UNKL: variants seen among roughly 807,000 people sequenced by gnomAD.
UNKL encodes unk like zinc finger.
Under a neutral mutation model 78.0 loss-of-function variants are expected in UNKL, and 60 were observed. That is an observed-to-expected ratio of 0.77 (90% CI 0.63 to 0.95). UNKL has a LOEUF of 0.95. Among genes scored for constraint, UNKL ranks in the 40% least tolerant of loss-of-function variants. UNKL has a pLI of 0.00. For synonymous variants in UNKL, 608 were observed against 474.8 expected, an observed-to-expected ratio of 1.28 and a Z score of -3.65; for missense variants, 1,159 against 1,045.7, an observed-to-expected ratio of 1.11 and a Z score of -1.49.
At chr16:1,371,031 G>C (rs891757806) in intron 11 of UNKL, among the ~76,000 whole-genome samples, 11 of 150,300 alleles carry the variant, frequency 7.3e-5, no homozygotes, top group Non-Finnish European at 1.6e-4. Context: ...TGCAGTGAGC[G>C]GAGATCGCGC....
chr16:1,369,170 A>T (rs941544291), intron 12 of UNKL, among the ~76,000 whole-genome samples: 17 of 144,576 alleles, frequency 1.2e-4, no homozygotes, highest in African/African-American at 4.4e-4. Context: ...CCCGGGTTCA[A>T]GCGATTCTCC....
chr16:1,411,069 C>T (rs1044043308), intron 2 of UNKL, among the ~76,000 whole-genome samples: 7 of 152,002 alleles, frequency 4.6e-5, no homozygotes, highest in South Asian at 2.1e-4. Context: ...AAAAATGAGC[C>T]GAGGTGTGTG....
intron 10 of UNKL, among the ~76,000 whole-genome samples, chr16:1,384,194 T>C (rs980716083): frequency 1.2e-4 from 18 of 152,046 alleles, no homozygotes; most frequent in African/African-American, 4.1e-4. Context: ...TGCACGGGTG[T>C]GGCCAGGTGT....
intron 5 of UNKL, chr16:1,398,776 G>C: frequency 6.5e-7 from 1 of 1,537,108 alleles, no homozygotes; most frequent in Non-Finnish European, 8.7e-7. Flanking sequence ...AGGAGAAAGG[G>C]GCTTCAGAGG....
intron 2 of UNKL, among the ~76,000 whole-genome samples, chr16:1,410,267 G>GAA (rs57597459): frequency 2.0e-5 from 2 of 101,444 alleles, no homozygotes; most frequent in Non-Finnish European, 4.1e-5. Flanking sequence ...CCCTGTCTCA[G>GAA]AAAAAAAAAA....
At chr16:1,393,972 A>C (rs1295865170) in intron 7 of UNKL, among the ~76,000 whole-genome samples, 159 bp downstream of exon 7, 28 of 152,204 alleles carry the variant, frequency 1.8e-4, no homozygotes, top group Admixed American at 1.8e-3. Context: ...GGGAGCCTCC[A>C]CGGGCATGTC....
chr16:1,387,238 C>T lies in UNKL; in HGVS notation c.1087-1853G>A, dbSNP rs2036853464. 1.3e-5 allele frequency among the ~76,000 whole-genome samples: 2 copies of T among 152,194 alleles called. No homozygotes were observed. The highest frequency in any genetic ancestry group is 2.9e-5 in the Non-Finnish European group (2 of 68,024). ...CATGCAACACCGGGGACACTCCCAG[C>T]CATGCATGGTGCTGCCAATACCCCC... is the stretch of plus-strand genomic sequence containing the variant. On this transcript the variant is annotated intron_variant, in intron 9 of 14. Transcript: ENST00000389221. This position sits in a 1 kb window ranked among gnomAD's most constrained non-coding sequence, Gnocchi z 4.1.
chr16:1,399,290 A>C lies in UNKL; in HGVS notation c.734+84T>G. ...GCCACAAGGGCAGCCCTCCCATTAG[A>C]ACCCCGGGGTGGGCAACGCGAGCCA... On this transcript the variant is annotated intron_variant, in intron 5 of 14. Coordinates refer to ENST00000389221, the MANE Select transcript of UNKL (RefSeq NM_001372107.1). The surrounding 1 kb of genome is among the most constrained non-coding windows in gnomAD (Gnocchi z 5.8). 7.0e-7 allele frequency: 1 copy of C among 1,438,448 alleles called. No homozygotes were observed. The highest frequency in any genetic ancestry group is 9.1e-7 in the Non-Finnish European group (1 of 1,097,368). The allele number at this position is 1,438,448 out of a possible 1,614,324, so 89.1% of individuals were successfully genotyped here. A position where few individuals can be genotyped will look rare whatever the true frequency, so the allele number is the denominator to read the frequency against.
At position 1,395,322 on chromosome 16, in the gene UNKL, C is replaced by G. The variant is rs113815169; in HGVS notation, c.853-1107G>C. ...AGCTGTGACTACAGCCATGAGCCAC[C>G]AAACCTGGCTAATTTTTGTATTTTT... On this transcript the variant is annotated intron_variant, in intron 6 of 14. Transcript: ENST00000389221. Among the ~76,000 whole-genome samples the G allele has an allele frequency of 1.7e-3, 256 of 152,050 alleles. 2 individuals are homozygous for G. The highest frequency in any genetic ancestry group is 5.3e-3 in the African/African-American group (221 of 41,456).
At chr16:1,408,406 A>C (rs60126074) in intron 2 of UNKL, 7,805 of 153,278 alleles carry the variant, frequency 0.051, 653 homozygotes, top group African/African-American at 0.18. Context: ...GGCCGAGATC[A>C]CGCTGATGCC....
intron 6 of UNKL, 21 bp from the exon 7 acceptor site, chr16:1,394,236 A>G: frequency 6.5e-7 from 1 of 1,549,986 alleles, no homozygotes; most frequent in Non-Finnish European, 8.7e-7. Flanking sequence ...AAGTGAAATA[A>G]AGAGGTTGGA....
chr16:1,381,612 A>G (rs2036609861), intron 10 of UNKL, among the ~76,000 whole-genome samples: 1 of 152,194 alleles, frequency 6.6e-6, no homozygotes, highest in African/African-American at 2.4e-5. Flanking sequence ...AGAGCAAGAA[A>G]AAAAAAGAAC....
At chr16:1,414,202 A>C in intron 1 of UNKL, 147 bp from the exon 2 acceptor site, 3 of 778,650 alleles carry the variant, frequency 3.9e-6, no homozygotes, top group Non-Finnish European at 3.9e-6. Flanking sequence ...CGCTGCGCCC[A>C]CCCCCATCCC....
chr16:1,409,879 A>C (rs1164763555), intron 2 of UNKL, among the ~76,000 whole-genome samples: 1 of 151,570 alleles, frequency 6.6e-6, no homozygotes, highest in Non-Finnish European at 1.5e-5. Context: ...TCAGGAGTTC[A>C]AGACCAGCCT....
At chr16:1,406,015 G>A (rs1476384309) in intron 2 of UNKL, 1 of 456,742 alleles carries the variant, frequency 2.2e-6, no homozygotes. Context: ...CCCCCAGCTG[G>A]TGTGGACGAG....
At position 1,397,087 on chromosome 16, in the gene UNKL, G is replaced by C. The variant is rs2037298576; in HGVS notation, c.852+91C>G. On this transcript the variant is annotated intron_variant, in intron 6 of 14. Transcript: ENST00000389221. ...CAGCCCTCGGCCAAAGTTAATCACT[G>C]TTCCTTCTGTGTGATAACCACGCTG... 3 of 1,389,904 alleles carry C rather than the reference G, an allele frequency of 2.2e-6. No homozygotes were observed. In the East Asian group the frequency reaches 7.5e-5, roughly 35 times the overall value. The allele number at this position is 1,389,904 out of a possible 1,614,324, so 86.1% of individuals were successfully genotyped here. A position where few individuals can be genotyped will look rare whatever the true frequency, so the allele number is the denominator to read the frequency against.
chr16:1,390,479 G>A (rs553806362), intron 9 of UNKL, among the ~76,000 whole-genome samples, 153 bp downstream of exon 9: 10 of 152,334 alleles, frequency 6.6e-5, no homozygotes, highest in Admixed American at 3.3e-4. Context: ...ACAAGCGGAC[G>A]TCAACCAGAT....
chr16:1,369,442 T>G (rs1268204315), intron 12 of UNKL, among the ~76,000 whole-genome samples: 1 of 151,390 alleles, frequency 6.6e-6, no homozygotes, highest in Non-Finnish European at 1.5e-5. Flanking sequence ...CAATCTCAGC[T>G]CACTGCAAAC....
intron 8 of UNKL, 74 bp downstream of exon 8, chr16:1,392,817 A>C: frequency 6.6e-7 from 1 of 1,504,096 alleles, no homozygotes; most frequent in Non-Finnish European, 9.0e-7. Context: ...GAAAACTCAT[A>C]TCCATCCACA....
Sources: gnomAD v4.1 joint callset for allele counts (sites outside exome capture counted in the v4.1 genomes callset) on GRCh38, gnomAD v4.1.1 for gene constraint, Gnocchi (gnomAD v3.1) non-coding constraint, MANE v1.5 for transcripts, NCBI Gene and HGNC (gene_info 2026-07-23, HGNC 2026-07-21) for gene names.